The following BCAR3 variants were observed in gnomAD, a reference collection of about 807,000 sequenced individuals.
BCAR3 encodes the protein BCAR3 adaptor protein, NSP family member.
A neutral mutation model predicts 80.1 loss-of-function variants in BCAR3; 37 were observed. The observed-to-expected ratio is 0.46, with a 90% CI of 0.36 to 0.61. The LOEUF is 0.61. BCAR3 is among the 20% of genes least tolerant of loss of function. The pLI, the probability that BCAR3 is intolerant of heterozygous loss-of-function variation, is 0.00. For synonymous variants in BCAR3, 389 were observed against 418.9 expected, an observed-to-expected ratio of 0.93 and a Z score of 0.87; for missense variants, 978 against 1,068.2, an observed-to-expected ratio of 0.92 and a Z score of 1.18.
chr1:93,722,242 C>T (rs527719521), intron 2 of BCAR3, among the ~76,000 whole-genome samples: 155 of 152,340 alleles, frequency 1.0e-3, no homozygotes, highest in South Asian at 2.1e-3. Context: ...CGAGTGAGGG[C>T]CTCCTAGAGC....
At position 93,656,632 on chromosome 1, in the gene BCAR3, A is replaced by C. The variant is rs571335257; in HGVS notation, c.318-14289T>G. ...AGTCTTTTTTTTTTTTTTTGAGACT[A>C]TCTCACTTGTCACCCAGGCTAAAGT... On this transcript the variant is annotated intron_variant, in intron 2 of 11. Transcript: ENST00000260502. 1.0e-4 allele frequency among the ~76,000 whole-genome samples: 14 copies of C among 138,724 alleles called. 1 individual carries two copies. In the South Asian group the frequency reaches 3.1e-3, roughly 31 times the overall value. 91.0% of individuals were successfully genotyped at this position (138,724 alleles called of 152,430 possible). A position where few individuals can be genotyped will look rare whatever the true frequency, so the allele number is the denominator to read the frequency against.
chr1:93,580,882 C>T (rs549065485), intron 7 of BCAR3, among the ~76,000 whole-genome samples: 60 of 152,206 alleles, frequency 3.9e-4, no homozygotes, highest in Non-Finnish European at 1.0e-4. Context: ...GGTGATGGGC[C>T]GGGTGCGGTG....
At chr1:93,779,272 A>G (rs1652682143) in intron 2 of BCAR3, among the ~76,000 whole-genome samples, 1 of 152,214 alleles carries the variant, frequency 6.6e-6, no homozygotes, top group Non-Finnish European at 1.5e-5. Flanking sequence ...TGACTTGGCC[A>G]GGGCCAAGTC....
chr1:93,707,886 C>T (rs1455242232), intron 2 of BCAR3, among the ~76,000 whole-genome samples: 2 of 152,194 alleles, frequency 1.3e-5, no homozygotes, highest in African/African-American at 4.8e-5. Context: ...TACACCAACA[C>T]AGCCAGACTT....
intron 3 of BCAR3, among the ~76,000 whole-genome samples, chr1:93,622,876 A>T (rs1675356142): frequency 6.6e-6 from 1 of 152,176 alleles, no homozygotes; most frequent in African/African-American, 2.4e-5. Context: ...CTTGCAGTGT[A>T]TATCCAAATG....
At chr1:93,593,386 G>T (rs1053244940) in intron 3 of BCAR3, among the ~76,000 whole-genome samples, 1 of 151,980 alleles carries the variant, frequency 6.6e-6, no homozygotes, top group Non-Finnish European at 1.5e-5. Flanking sequence ...TTGAGACAGG[G>T]TCTCACTGTG....
chr1:93,571,185 C>T (rs1673196250), intron 9 of BCAR3, among the ~76,000 whole-genome samples: 1 of 148,214 alleles, frequency 6.7e-6, no homozygotes, highest in Non-Finnish European at 1.5e-5. Flanking sequence ...GCCTGGACAA[C>T]AGAGCGAGAC....
At chr1:93,695,638 T>G (rs1649362695) in intron 3 of BCAR3, among the ~76,000 whole-genome samples, 1 of 152,210 alleles carries the variant, frequency 6.6e-6, no homozygotes, top group Non-Finnish European at 1.5e-5. Context: ...TCTACCATCT[T>G]TATCCAATCT....
chr1:93,822,756 A>AT (rs111537038), intron 2 of BCAR3, among the ~76,000 whole-genome samples: 21,182 of 147,832 alleles, frequency 0.14, 2,545 homozygotes, highest in African/African-American at 0.31. Flanking sequence ...ACAGAGTTTG[A>AT]TTTTTTTTTT....
chr1:93,648,397 C>T (rs1345424048), intron 2 of BCAR3, among the ~76,000 whole-genome samples: 1 of 151,980 alleles, frequency 6.6e-6, no homozygotes, highest in Non-Finnish European at 1.5e-5. Context: ...ATGGAAATTA[C>T]ACATTAAAAA....
chr1:93,612,398 C>A (rs1674979181), intron 3 of BCAR3, among the ~76,000 whole-genome samples: 1 of 152,062 alleles, frequency 6.6e-6, no homozygotes, highest in South Asian at 2.1e-4. Flanking sequence ...GACCCGACTA[C>A]CCCATATATT....
intron 2 of BCAR3, among the ~76,000 whole-genome samples, chr1:93,777,883 T>C (rs1192115071): frequency 2.0e-5 from 3 of 152,252 alleles, no homozygotes; most frequent in Non-Finnish European, 4.4e-5. Flanking sequence ...CCCAGTATTA[T>C]CCAAAGGTGA....
intron 3 of BCAR3, among the ~76,000 whole-genome samples, chr1:93,595,386 G>A (rs1042448927): frequency 2.0e-5 from 3 of 152,206 alleles, no homozygotes; most frequent in African/African-American, 7.2e-5. Context: ...ATTGCAAAAG[G>A]TTTTCCATTT....
At chr1:93,707,110 G>A (rs1649854000) in intron 2 of BCAR3, among the ~76,000 whole-genome samples, 1 of 152,062 alleles carries the variant, frequency 6.6e-6, no homozygotes, top group Non-Finnish European at 1.5e-5. Context: ...GGGAGGCAGA[G>A]TTTGCAGTGA....
chr1:93,721,068 G>C (rs1233411389), intron 2 of BCAR3, among the ~76,000 whole-genome samples: 2 of 152,220 alleles, frequency 1.3e-5, no homozygotes, highest in Non-Finnish European at 2.9e-5. Context: ...ACTGGTAGCG[G>C]CTAGATTGGC....
At chr1:93,575,694 C>A (rs140391316) in intron 8 of BCAR3, among the ~76,000 whole-genome samples, 1 of 152,186 alleles carries the variant, frequency 6.6e-6, no homozygotes, top group Non-Finnish European at 1.5e-5. Context: ...CCCAGCTCTG[C>A]CCCAGGCTGC....
chr1:93,701,102 A>G (rs145655806), intron 3 of BCAR3, among the ~76,000 whole-genome samples: 1 of 152,368 alleles, frequency 6.6e-6, no homozygotes, highest in Non-Finnish European at 1.5e-5. Context: ...TCCCCACTGT[A>G]AAATGGGCGT....
At chr1:93,565,767 A>C (rs2101796867) in intron 11 of BCAR3, among the ~76,000 whole-genome samples, 1 of 152,358 alleles carries the variant, frequency 6.6e-6, no homozygotes, top group African/African-American at 2.4e-5. Context: ...TACCCACAGC[A>C]GATGGTGCAA....
intron 10 of BCAR3, 87 bp downstream of exon 10, chr1:93,567,653 T>TAACTCA: frequency 7.0e-7 from 1 of 1,424,228 alleles, no homozygotes; most frequent in Non-Finnish European, 9.8e-7. Flanking sequence ...GTGCTGCAGA[T>TAACTCA]AACTCAGGGC....
Sources: gnomAD v4.1 joint callset for allele counts (sites outside exome capture counted in the v4.1 genomes callset) on GRCh38, gnomAD v4.1.1 for gene constraint, MANE v1.5 for transcripts, NCBI Gene and HGNC (gene_info 2026-07-23, HGNC 2026-07-21) for gene names.